The following DDX10 variants were observed in gnomAD, a reference collection of about 807,000 sequenced individuals.
The protein encoded by DDX10 is probable ATP-dependent RNA helicase DDX10.
Under a neutral mutation model 104.3 loss-of-function variants are expected in DDX10, and 74 were observed. The observed-to-expected ratio is 0.71, with a 90% CI of 0.59 to 0.86. The LOEUF (loss-of-function observed/expected upper bound fraction) is 0.86, where lower values mean the gene tolerates loss of function less well. Ranked by LOEUF, DDX10 falls within the 40% of genes least tolerant of loss-of-function variation. DDX10 has a pLI of 0.00. For synonymous variants in DDX10, 351 were observed against 353.4 expected (o/e 0.99, Z 0.08); for missense variants, 952 against 1,040.0 (o/e 0.92, Z 1.16).
chr11:108,725,808 C>T lies in DDX10; in HGVS notation c.1965+2346C>T, dbSNP rs532850451. Among the ~76,000 whole-genome samples the T allele has an allele frequency of 6.6e-5, 10 of 152,104 alleles. No individual in the cohort carries two copies. The East Asian group carries it at 1.7e-3, about 26-fold the overall frequency. On this transcript the variant is annotated intron_variant, in intron 13 of 17. Transcript: ENST00000322536. ...AAATTTTGAAGTCTGATTTCAATCA[C>T]ATTTTAGGTAATTTATATATGTGTC...
At chr11:108,929,619 T>C (rs1863951710) in intron 17 of DDX10, 1 of 152,054 alleles carries the variant, frequency 6.6e-6, no homozygotes, top group Non-Finnish European at 1.5e-5. Flanking sequence ...TGGCAACTCA[T>C]TAGAAAGGAG....
At chr11:108,703,037 G>T (rs7126459) in intron 9 of DDX10, among the ~76,000 whole-genome samples, 150,950 of 152,356 alleles carry the variant, frequency 0.99, 74,809 homozygotes, top group Middle Eastern at 1. Flanking sequence ...TCAGATGCTT[G>T]TTATCGGGCG....
At chr11:108,742,626 GA>G (rs1184352152) in intron 13 of DDX10, among the ~76,000 whole-genome samples, 1 of 152,006 alleles carries the variant, frequency 6.6e-6, no homozygotes, top group Non-Finnish European at 1.5e-5. Context: ...TGCTTTTTTT[GA>G]AAGAACTAGA....
chr11:108,686,548 G>A (rs2134446700), intron 6 of DDX10, among the ~76,000 whole-genome samples: 1 of 152,278 alleles, frequency 6.6e-6, no homozygotes, highest in Middle Eastern at 3.4e-3. Flanking sequence ...ATTGCTCCAT[G>A]TCTTTTCATG....
chr11:108,852,490 T>C (rs1862807947), intron 16 of DDX10, among the ~76,000 whole-genome samples: 1 of 152,194 alleles, frequency 6.6e-6, no homozygotes, highest in African/African-American at 2.4e-5. Flanking sequence ...ACCACTTTTT[T>C]CCATATATTT....
intron 13 of DDX10, among the ~76,000 whole-genome samples, chr11:108,742,221 C>A (rs975429695): frequency 2.7e-5 from 4 of 146,812 alleles, no homozygotes; most frequent in African/African-American, 5.1e-5. Context: ...GATGGCGCCA[C>A]TGTACCCCAG....
At chr11:108,834,693 C>G (rs1471883410) in intron 13 of DDX10, among the ~76,000 whole-genome samples, 1 of 151,916 alleles carries the variant, frequency 6.6e-6, no homozygotes, top group African/African-American at 2.4e-5. Context: ...GATGGAGATC[C>G]AAGGTCCTTA....
At chr11:108,893,717 T>G (rs1182945797) in intron 16 of DDX10, among the ~76,000 whole-genome samples, 1 of 152,068 alleles carries the variant, frequency 6.6e-6, no homozygotes, top group Non-Finnish European at 1.5e-5. Context: ...GATTTAATCT[T>G]AGTCTAGCAG....
chr11:108,834,910 T>A (rs1027164940), intron 13 of DDX10, among the ~76,000 whole-genome samples: 10 of 109,302 alleles, frequency 9.1e-5, no homozygotes, highest in Admixed American at 7.2e-4. Flanking sequence ...CCTGGGCGAC[T>A]GAGCAAGACT....
At chr11:108,827,114 G>A (rs1362882924) in intron 13 of DDX10, among the ~76,000 whole-genome samples, 2 of 152,090 alleles carry the variant, frequency 1.3e-5, no homozygotes, top group Non-Finnish European at 2.9e-5. Context: ...AAATTTGTAG[G>A]AACAAGATTT....
Position 108,876,794 on chromosome 11 carries a change from C to CT in DDX10, c.2304+24592dup, listed in dbSNP as rs1001934511. ...TTTTCTAGAAGAGAGAAATCACATCCTTTTTTTGATTATCTTAGAAGTCAT... is the reference window on the plus strand; with the variant it reads ...TTTTCTAGAAGAGAGAAATCACATCCTTTTTTTTGATTATCTTAGAAGTCAT... On this transcript the variant is annotated intron_variant, in intron 16 of 17. Coordinates refer to ENST00000322536, the MANE Select transcript of DDX10 (RefSeq NM_004398.4). 3.3e-5 allele frequency among the ~76,000 whole-genome samples: 5 copies of CT among 152,068 alleles called. No homozygotes were observed. The East Asian group carries it at 5.8e-4, about 18-fold the overall frequency.
intron 13 of DDX10, among the ~76,000 whole-genome samples, chr11:108,796,676 A>C (rs1861945403): frequency 6.6e-6 from 1 of 152,186 alleles, no homozygotes; most frequent in Non-Finnish European, 1.5e-5. Context: ...TAAAGAGAGA[A>C]TAGCCTTTTT....
intron 13 of DDX10, among the ~76,000 whole-genome samples, chr11:108,754,651 A>T (rs1298138391): frequency 6.6e-6 from 1 of 152,026 alleles, no homozygotes; most frequent in Non-Finnish European, 1.5e-5. Context: ...GTATAGCCTT[A>T]GGTATATGAG....
intron 15 of DDX10, among the ~76,000 whole-genome samples, chr11:108,844,970 G>A (rs922927652): frequency 2.6e-5 from 4 of 152,138 alleles, no homozygotes; most frequent in Non-Finnish European, 5.9e-5. Context: ...GCCGAGGTGG[G>A]CAGATCACAA....
intron 13 of DDX10, among the ~76,000 whole-genome samples, chr11:108,744,576 T>G (rs767211540): frequency 1.3e-5 from 2 of 152,136 alleles, no homozygotes; most frequent in Non-Finnish European, 2.9e-5. Context: ...TAGTTGACCT[T>G]AAATACCCTC....
chr11:108,808,342 A>C (rs1035004106), intron 13 of DDX10, among the ~76,000 whole-genome samples: 1 of 136,414 alleles, frequency 7.3e-6, no homozygotes, highest in Non-Finnish European at 1.6e-5. Flanking sequence ...TTTAGGATTG[A>C]TTTTTTTTGG....
Position 108,679,427 on chromosome 11 carries a change from G to C in DDX10, c.715G>C (p.Val239Leu). The change falls in exon 6 of 18, where the codon GTT becomes CTT. Residue 239 changes from valine (V) to leucine (L), a missense_variant. Around this residue, in one of 3 missense-constraint regions of DDX10, gnomAD observed 412 missense variants for 479.2 expected, o/e 0.86. Transcript: ENST00000322536. ...GGGCTTTGCTGATACCATGAATGCT[G>C]TTATTGAAAATCTCCCCAAGAAACG... ...DMGFADTMNA[V>L]IENLPKKRQT... 6.2e-7 allele frequency: 1 copy of C among 1,612,476 alleles called. No homozygotes were observed. Among genetic ancestry groups the C allele is most frequent in the Non-Finnish European group, 8.5e-7 (1 of 1,179,814 alleles).
At chr11:108,859,625 C>G (rs1216934822) in intron 16 of DDX10, among the ~76,000 whole-genome samples, 1 of 152,154 alleles carries the variant, frequency 6.6e-6, no homozygotes, top group African/African-American at 2.4e-5. Flanking sequence ...ATGGTTGATT[C>G]AGCTTAGGTG....
intron 16 of DDX10, among the ~76,000 whole-genome samples, chr11:108,865,945 G>A (rs770350531): frequency 6.6e-6 from 1 of 152,112 alleles, no homozygotes; most frequent in Non-Finnish European, 1.5e-5. Flanking sequence ...ATAATAAAAT[G>A]TCTATTTGGT....
Sources: allele counts gnomAD v4.1 joint callset (sites outside exome capture counted in the v4.1 genomes callset), GRCh38; gene constraint gnomAD v4.1.1; regional missense constraint gnomAD v4.1.1; transcripts MANE v1.5; gene names NCBI Gene and HGNC (gene_info 2026-07-23, HGNC 2026-07-21).